Variants in CFAP299 observed in about 807,000 individuals in gnomAD.
CFAP299 encodes cilia and flagella associated protein 299, also known as cilia- and flagella-associated protein 299.
Under a neutral mutation model 27.0 loss-of-function variants are expected in CFAP299, and 21 were observed. The ratio of observed to expected loss-of-function variants is 0.78; its 90% CI spans 0.55 to 1.12. The LOEUF (loss-of-function observed/expected upper bound fraction) is 1.12. CFAP299 is among the 50% of genes most tolerant of loss of function. CFAP299 has a pLI of 0.00. For missense variants in CFAP299, 310 were observed against 276.6 expected (o/e 1.12, Z -0.86); for synonymous variants, 104 against 98.1 (o/e 1.06, Z -0.36).
intron 3 of CFAP299, among the ~76,000 whole-genome samples, chr4:80,849,302 T>C (rs1477978372): frequency 6.6e-6 from 1 of 152,186 alleles, no homozygotes; most frequent in Non-Finnish European, 1.5e-5. Context: ...ATTATAGTAG[T>C]ATGGGACCCC....
intron 2 of CFAP299, among the ~76,000 whole-genome samples, chr4:80,379,804 T>C (rs1724602649): frequency 6.6e-6 from 1 of 152,126 alleles, no homozygotes; most frequent in South Asian, 2.1e-4. Flanking sequence ...TGACATTTAC[T>C]TTATCTCCCA....
At chr4:80,576,197 A>AAAAAT (rs980515680) in intron 2 of CFAP299, among the ~76,000 whole-genome samples, 100 of 32,456 alleles carry the variant, frequency 3.1e-3, no homozygotes, top group African/African-American at 6.1e-3. Flanking sequence ...TAAAAAAAAA[A>AAAAAT]ATATATATAT....
At chr4:80,577,713 T>C (rs140528174) in intron 2 of CFAP299, among the ~76,000 whole-genome samples, 2 of 152,302 alleles carry the variant, frequency 1.3e-5, no homozygotes, top group Admixed American at 1.3e-4. Context: ...GAAAACATCT[T>C]AATGATTAAT....
chr4:80,532,512 T>C (rs2110189038), intron 2 of CFAP299, among the ~76,000 whole-genome samples: 1 of 152,352 alleles, frequency 6.6e-6, no homozygotes, highest in African/African-American at 2.4e-5. Context: ...CCTTCTGCTA[T>C]TTTTTAATCA....
chr4:80,390,450 C>T (rs1460380082), intron 2 of CFAP299, among the ~76,000 whole-genome samples: 1 of 150,062 alleles, frequency 6.7e-6, no homozygotes, highest in African/African-American at 2.4e-5. Context: ...ATAGGATTTT[C>T]TTCATTTTAA....
intron 2 of CFAP299, among the ~76,000 whole-genome samples, chr4:80,493,812 A>T (rs551269006): frequency 9.4e-6 from 1 of 106,388 alleles, no homozygotes. Context: ...TCTGTCGCCC[A>T]GGCCAGACTG....
chr4:80,537,281 G>T (rs575129566), intron 2 of CFAP299, among the ~76,000 whole-genome samples: 4 of 151,926 alleles, frequency 2.6e-5, no homozygotes, highest in Non-Finnish European at 4.4e-5. Flanking sequence ...TATTATAGAG[G>T]TTCCTCAAAA....
At chr4:80,944,398 G>A (rs565442734) in intron 4 of CFAP299, among the ~76,000 whole-genome samples, 107 of 152,280 alleles carry the variant, frequency 7.0e-4, no homozygotes, top group Non-Finnish European at 1.2e-3. Context: ...CCTGAAAGAA[G>A]TGAATTTATT....
chr4:80,477,911 G>A (rs548164024), intron 2 of CFAP299, among the ~76,000 whole-genome samples: 1 of 152,200 alleles, frequency 6.6e-6, no homozygotes, highest in East Asian at 1.9e-4. Context: ...AGCTGCAAAT[G>A]GCTAGAGAAA....
intron 3 of CFAP299, among the ~76,000 whole-genome samples, chr4:80,751,668 T>A (rs961196373): frequency 6.6e-6 from 1 of 152,186 alleles, no homozygotes; most frequent in African/African-American, 2.4e-5. Context: ...CAGGACCATT[T>A]GTATTTGCCA....
intron 2 of CFAP299, among the ~76,000 whole-genome samples, chr4:80,539,471 T>C (rs924998964): frequency 1.3e-5 from 2 of 152,060 alleles, no homozygotes; most frequent in African/African-American, 2.4e-5. Context: ...CAGCTTAGGA[T>C]TGGCTAGTTT....
At chr4:80,377,977 G>A (rs1724500344) in intron 2 of CFAP299, among the ~76,000 whole-genome samples, 1 of 152,116 alleles carries the variant, frequency 6.6e-6, no homozygotes, top group African/African-American at 2.4e-5. Flanking sequence ...CAACAGATCT[G>A]ATGAGACTTA....
chr4:80,499,328 T>C (rs1560595925), intron 2 of CFAP299, among the ~76,000 whole-genome samples: 1 of 152,176 alleles, frequency 6.6e-6, no homozygotes, highest in Non-Finnish European at 1.5e-5. Context: ...TTAATGGTGC[T>C]ATAATAATTT....
chr4:80,800,299 A>G (rs1317790446), intron 3 of CFAP299, among the ~76,000 whole-genome samples: 1 of 74,988 alleles, frequency 1.3e-5, no homozygotes, highest in Non-Finnish European at 2.2e-5. Flanking sequence ...ATTAATATAT[A>G]TAATATATAA....
intron 4 of CFAP299, among the ~76,000 whole-genome samples, chr4:80,930,965 T>G (rs1301664569): frequency 6.6e-6 from 1 of 152,172 alleles, no homozygotes; most frequent in Admixed American, 6.5e-5. Context: ...CTCCTCTGTC[T>G]TTTCATAGCA....
chr4:80,672,463 C>A (rs1741541517), intron 3 of CFAP299, among the ~76,000 whole-genome samples: 1 of 152,104 alleles, frequency 6.6e-6, no homozygotes, highest in Admixed American at 6.6e-5. Flanking sequence ...GTCTAAAATT[C>A]TCTTTTTTTG....
At chr4:80,779,690 T>A (rs1375669970) in intron 3 of CFAP299, among the ~76,000 whole-genome samples, 1 of 151,940 alleles carries the variant, frequency 6.6e-6, no homozygotes, top group Non-Finnish European at 1.5e-5. Flanking sequence ...CAGTCCCCAT[T>A]GGCAGGTATT....
chr4:80,713,024 G>A (rs1722263556), intron 3 of CFAP299, among the ~76,000 whole-genome samples: 1 of 152,000 alleles, frequency 6.6e-6, no homozygotes, highest in South Asian at 2.1e-4. Flanking sequence ...ACAGTGGTGA[G>A]CCAATCATTG....
chr4:80,732,070 G>C (rs7656392), intron 3 of CFAP299, among the ~76,000 whole-genome samples: 1,140 of 110,492 alleles, frequency 0.01, 12 homozygotes, highest in African/African-American at 0.041. Context: ...CAGACACACA[G>C]ACACACACAC....
Sources: gnomAD v4.1 joint callset for allele counts (sites outside exome capture counted in the v4.1 genomes callset) on GRCh38, gnomAD v4.1.1 for gene constraint, MANE v1.5 for transcripts, NCBI Gene and HGNC (gene_info 2026-07-23, HGNC 2026-07-21) for gene names.